The following ADGRV1 variants were observed in gnomAD, a reference collection of about 807,000 sequenced individuals.
The protein encoded by ADGRV1 is adhesion G protein-coupled receptor V1.
A neutral mutation model predicts 596.2 loss-of-function variants in ADGRV1; 359 were observed. That is an observed-to-expected ratio of 0.60 (90% CI 0.55 to 0.66). The LOEUF is 0.66. Ranked by LOEUF, ADGRV1 falls within the 30% of genes least tolerant of loss-of-function variation. The probability of loss-of-function intolerance (pLI) is 0.00; values close to 1 mark genes in which losing one functional copy is unlikely to be tolerated. For synonymous variants in ADGRV1, 2,681 were observed against 2,679.2 expected, an observed-to-expected ratio of 1.00 and a Z score of -0.02; for missense variants, 7,274 against 7,575.6, an observed-to-expected ratio of 0.96 and a Z score of 1.48.
chr5:90,798,531 A>G (rs1760997816), intron 70 of ADGRV1, among the ~76,000 whole-genome samples: 1 of 152,226 alleles, frequency 6.6e-6, no homozygotes, highest in Non-Finnish European at 1.5e-5. Context: ...TTCTGAAATG[A>G]TTCCAAACAA....
At chr5:90,793,751 TTTAA>T (rs965329466) in intron 70 of ADGRV1, among the ~76,000 whole-genome samples, 3 of 152,218 alleles carry the variant, frequency 2.0e-5, no homozygotes, top group Admixed American at 2.0e-4. Flanking sequence ...TTGAACCCAT[TTTAA>T]TTATTTTTAT....
rs1757972712 is a variant in ADGRV1 at position 90,774,148 on chromosome 5, C to T, written c.12286-38C>T. The T allele has an allele frequency of 3.3e-6, 4 of 1,225,606 alleles. No homozygotes were observed. In the East Asian group the frequency reaches 7.2e-5, roughly 22 times the overall value. The allele number at this position is 1,225,606 out of a possible 1,614,324, so 75.9% of individuals were successfully genotyped here. On this transcript the variant is annotated intron_variant, in intron 59 of 89. Coordinates refer to ENST00000405460, the MANE Select transcript of ADGRV1 (RefSeq NM_032119.4). ...ACAACATTCAAACTTTGGCTTTGGTCAATCTGGAAAATGCACTGTTTCTGT... is the reference window on the plus strand; with the variant it reads ...ACAACATTCAAACTTTGGCTTTGGTTAATCTGGAAAATGCACTGTTTCTGT...
intron 83 of ADGRV1, among the ~76,000 whole-genome samples, chr5:90,926,116 G>A (rs1215004467): frequency 4.8e-5 from 7 of 144,730 alleles, no homozygotes; most frequent in East Asian, 4.1e-4. Context: ...GTCTCTGCCC[G>A]GCTTTGGTAT....
At chr5:90,754,383 T>G (rs1320948415) in intron 54 of ADGRV1, among the ~76,000 whole-genome samples, 1 of 152,184 alleles carries the variant, frequency 6.6e-6, no homozygotes, top group South Asian at 2.1e-4. Flanking sequence ...AACATGGACA[T>G]CCAGCTTTCA....
intron 87 of ADGRV1, among the ~76,000 whole-genome samples, chr5:91,144,904 C>G (rs1198852181): frequency 1.3e-5 from 2 of 152,212 alleles, no homozygotes; most frequent in African/African-American, 4.8e-5. Context: ...AATTGAGAAT[C>G]CAGATTCTCT....
chr5:90,788,542 T>C (rs1304150724), intron 68 of ADGRV1, among the ~76,000 whole-genome samples: 1 of 152,194 alleles, frequency 6.6e-6, no homozygotes. Flanking sequence ...ATACTTATTT[T>C]ATAAGCTTGG....
chr5:91,074,242 TG>T (rs1401697309), intron 86 of ADGRV1, among the ~76,000 whole-genome samples: 1 of 152,190 alleles, frequency 6.6e-6, no homozygotes, highest in Non-Finnish European at 1.5e-5. Flanking sequence ...TGTCACCTCA[TG>T]GGGGTTTGGT....
At chr5:90,660,129 CTT>C (rs1007552239) in intron 21 of ADGRV1, among the ~76,000 whole-genome samples, 4 of 152,024 alleles carry the variant, frequency 2.6e-5, no homozygotes, top group South Asian at 4.1e-4. Context: ...ATTAAGGAGA[CTT>C]TTAAAAATAT....
intron 85 of ADGRV1, among the ~76,000 whole-genome samples, chr5:91,046,908 T>G (rs1257258004): frequency 6.6e-6 from 1 of 151,920 alleles, no homozygotes; most frequent in African/African-American, 2.4e-5. Flanking sequence ...AACAAACATA[T>G]GAAAAAATGC....
intron 1 of ADGRV1, among the ~76,000 whole-genome samples, chr5:90,608,961 G>A (rs548357046): frequency 6.6e-6 from 1 of 152,118 alleles, no homozygotes; most frequent in East Asian, 1.9e-4. Flanking sequence ...ATGGAAACTG[G>A]CATTTTATTG....
chr5:90,642,538 A>G (rs1767104312), intron 11 of ADGRV1, 98 bp from the exon 12 acceptor site: 1 of 1,283,174 alleles, frequency 7.8e-7, no homozygotes, highest in Non-Finnish European at 1.1e-6. Flanking sequence ...CTTCCTTTTC[A>G]TTATCTGGAA....
At chr5:90,868,947 TTATTCA>T (rs1326968444) in intron 83 of ADGRV1, among the ~76,000 whole-genome samples, 2 of 152,134 alleles carry the variant, frequency 1.3e-5, no homozygotes, top group Non-Finnish European at 2.9e-5. Context: ...GTCAAGACCA[TTATTCA>T]TCCAGCAGTT....
At position 90,774,199 on chromosome 5, in the gene ADGRV1, A is replaced by G. The variant is rs750063512; in HGVS notation, c.12299A>G (p.Lys4100Arg). Reference protein sequence around the residue: ...TLHFDETESQKTIVLHTLQDT... With the variant: ...TLHFDETESQRTIVLHTLQDT... ...CATTGGATGTAGACTGAGTCCCAGA[A>G]GACCATTGTGTTGCACACACTTCAA... Residue 4100 changes from lysine (K) to arginine (R), a missense_variant, in exon 60 of 90, where the codon AAG (lysine) becomes AGG (arginine). By Grantham distance (26) the Lys-to-Arg change is conservative. Transcript: ENST00000405460. 6.2e-7 allele frequency: 1 copy of G among 1,601,718 alleles called. No homozygotes were observed. Among genetic ancestry groups the G allele is most frequent in the Non-Finnish European group, 8.5e-7 (1 of 1,171,034 alleles).
chr5:90,614,186 GA>G (rs1301557776), intron 1 of ADGRV1: 14 of 362,014 alleles, frequency 3.9e-5, no homozygotes, highest in East Asian at 9.1e-5. Flanking sequence ...AGTTGTCATG[GA>G]AAAAAAGGAA....
intron 1 of ADGRV1, among the ~76,000 whole-genome samples, chr5:90,607,278 G>A (rs1039748484): frequency 3.3e-5 from 5 of 152,096 alleles, no homozygotes; most frequent in African/African-American, 1.2e-4. Flanking sequence ...GGAAATAATA[G>A]TATCAGGTAC....
At chr5:90,962,653 G>T (rs949616097) in intron 83 of ADGRV1, among the ~76,000 whole-genome samples, 2 of 152,074 alleles carry the variant, frequency 1.3e-5, no homozygotes, top group African/African-American at 4.8e-5. Context: ...TATTTTTTGT[G>T]CATCCCTTTT....
rs775769582 is a variant in ADGRV1, at chr5:90,745,672, A to C, written c.10851A>C (p.Lys3617Asn). 6.2e-7 allele frequency: 1 copy of C among 1,612,734 alleles called. No individual in the cohort carries two copies. The highest frequency in any genetic ancestry group is 1.1e-5 in the South Asian group (1 of 91,062). The change falls in exon 52 of 90, where the codon AAA becomes AAC. Residue 3617 changes from lysine to asparagine, a missense_variant. By Grantham distance (94) the Lys-to-Asn change is moderately conservative. Coordinates refer to ENST00000405460, the MANE Select transcript of ADGRV1 (RefSeq NM_032119.4). ...TCCTTGATGATACAGTTCCAGAAAA[A>C]GAAGAATCCTTCAAAGTTCAACTTA... ...VNILDDTVPEKEESFKVQLKN... is the reference protein window; with the variant it reads ...VNILDDTVPENEESFKVQLKN...
intron 84 of ADGRV1, among the ~76,000 whole-genome samples, chr5:90,968,615 C>G (rs186410560): frequency 9.5e-4 from 145 of 152,280 alleles, no homozygotes; most frequent in African/African-American, 3.2e-3. Flanking sequence ...GTTCTGAATT[C>G]TAGTTAGGTT....
In ADGRV1 at chr5:90,654,393, G is replaced by C. The variant is rs944640710; in HGVS notation, c.4378+441G>C. 106 of 195,030 alleles carry C rather than the reference G, an allele frequency of 5.4e-4. 1 individual carries two copies. Among genetic ancestry groups the C allele is most frequent in the Non-Finnish European group, 4.8e-4 (45 of 94,224 alleles). 12.1% of individuals were successfully genotyped at this position (195,030 alleles called of 1,614,324 possible). A position where few individuals can be genotyped will look rare whatever the true frequency, so the allele number is the denominator to read the frequency against. On this transcript the variant is annotated intron_variant, in intron 20 of 89. Transcript: ENST00000405460. Reference sequence around the variant, plus strand: ...TATTGCTGAAGGTAGAGGGTGGTGGGCGTGAGGTTGAAAAGAAAGCAGGAG... The same window carrying C: ...TATTGCTGAAGGTAGAGGGTGGTGGCCGTGAGGTTGAAAAGAAAGCAGGAG...
Sources: gnomAD v4.1 joint callset for allele counts (sites outside exome capture counted in the v4.1 genomes callset) on GRCh38, gnomAD v4.1.1 for gene constraint, MANE v1.5 for transcripts, NCBI Gene and HGNC (gene_info 2026-07-23, HGNC 2026-07-21) for gene names.